Variants in FAM20B observed in about 807,000 individuals in gnomAD.
FAM20B encodes glycosaminoglycan xylosylkinase.
FAM20B carries 23 observed loss-of-function variants against 43.8 expected under a neutral mutation model. The observed-to-expected ratio is 0.53, with a 90% CI of 0.38 to 0.74. The LOEUF is 0.74. Ranked by LOEUF, FAM20B falls within the 30% of genes least tolerant of loss-of-function variation. FAM20B has a pLI of 0.00. For missense variants in FAM20B, 440 were observed against 510.5 expected (o/e 0.86, Z 1.33); for synonymous variants, 178 against 192.4 (o/e 0.93, Z 0.62).
At chr1:179,039,739 ATTATT>A (rs1650401029) in intron 1 of FAM20B, among the ~76,000 whole-genome samples, 1 of 120,310 alleles carries the variant, frequency 8.3e-6, no homozygotes, top group Non-Finnish European at 1.8e-5. Flanking sequence ...TTATTTATTT[ATTATT>A]TTTTTTTATT....
intron 3 of FAM20B, 131 bp from the exon 4 acceptor site, chr1:179,054,398 A>G (rs1572549596): frequency 5.3e-6 from 3 of 561,716 alleles, no homozygotes; most frequent in Non-Finnish European, 9.7e-6. Context: ...ATGTACCTCT[A>G]AAAAATTAGG....
rs1172323682 is a variant in FAM20B at position 179,073,611 on chromosome 1, C to T, written c.*1467C>T. The T allele has an allele frequency of 1.3e-5, 2 of 152,210 alleles. No individual in the cohort carries two copies. The highest frequency in any genetic ancestry group is 3.8e-4 in the East Asian group (2 of 5,196). 9.4% of individuals were successfully genotyped at this position (152,210 alleles called of 1,614,324 possible). A position where few individuals can be genotyped will look rare whatever the true frequency, so the allele number is the denominator to read the frequency against. On this transcript the variant is annotated 3_prime_UTR_variant, in exon 8 of 8. Transcript: ENST00000263733. ...GTGCTGGGATTACAGGCATGAGCCA[C>T]CGTGGCCGGCCAAGATTTTAAGCCT... is the stretch of plus-strand genomic sequence containing the variant.
In FAM20B at chr1:179,070,109, G is replaced by A. The variant is rs184315043; in HGVS notation, c.999-1804G>A. 8.8e-3 allele frequency among the ~76,000 whole-genome samples: 1,327 copies of A among 150,496 alleles called. 17 individuals are homozygous for A. The highest frequency in any genetic ancestry group is 0.03 in the African/African-American group (1,237 of 40,988). On this transcript the variant is annotated intron_variant, in intron 7 of 7. Transcript: ENST00000263733. ...TGCCCAGGCTGGAGTGCAGTGGCGC[G>A]ATCTTGGCTCACTGCAACCTCCGCC... is the stretch of plus-strand genomic sequence containing the variant.
Position 179,072,622 on chromosome 1 carries a change from A to G in FAM20B, c.*478A>G. On this transcript the variant is annotated 3_prime_UTR_variant, in exon 8 of 8. Coordinates refer to ENST00000263733, the MANE Select transcript of FAM20B (RefSeq NM_014864.4). ...ACTGTCCTACAGAGTGGCAGCAAAT[A>G]AAACCTTGCATTCCATCAAGCCAAA... The G allele has an allele frequency of 6.4e-6, 1 of 157,242 alleles. No homozygotes were observed. The highest frequency in any genetic ancestry group is 1.4e-5 in the Non-Finnish European group (1 of 71,022). 9.7% of individuals were successfully genotyped at this position (157,242 alleles called of 1,614,324 possible). A position where few individuals can be genotyped will look rare whatever the true frequency, so the allele number is the denominator to read the frequency against.
intron 1 of FAM20B, among the ~76,000 whole-genome samples, chr1:179,028,017 T>A (rs1291525259): frequency 6.6e-6 from 1 of 152,252 alleles, no homozygotes; most frequent in Non-Finnish European, 1.5e-5. Context: ...AAGTTTCTGC[T>A]TCTTATCTCT....
the FAM20B span, among the ~76,000 whole-genome samples, chr1:179,019,011 C>A: frequency 6.6e-6 from 1 of 152,184 alleles, no homozygotes; most frequent in African/African-American, 2.4e-5. Context: ...CTAAAGTAGT[C>A]AGAGATCACA....
chr1:179,039,687 A>T (rs539081963), intron 1 of FAM20B, among the ~76,000 whole-genome samples: 2 of 152,354 alleles, frequency 1.3e-5, no homozygotes, highest in East Asian at 3.9e-4. Flanking sequence ...ACTTGGACTC[A>T]GAGACAGCTA....
chr1:179,047,556 A>AGTG, intron 2 of FAM20B, among the ~76,000 whole-genome samples: 1 of 152,090 alleles, frequency 6.6e-6, no homozygotes, highest in East Asian at 1.9e-4. Flanking sequence ...GCAACAGGGC[A>AGTG]CTCTCTTCTC....
At chr1:179,064,129 C>A (rs1651592833) in intron 5 of FAM20B, 31 bp downstream of exon 5, 2 of 1,570,394 alleles carry the variant, frequency 1.3e-6, no homozygotes, top group East Asian at 2.3e-5. Context: ...TTACTTAATT[C>A]TCCCCTGTGC....
At chr1:179,071,076 C>T (rs12059761) in intron 7 of FAM20B, among the ~76,000 whole-genome samples, 2,119 of 151,742 alleles carry the variant, frequency 0.014, 62 homozygotes, top group African/African-American at 0.048. Context: ...GGGCGGATCA[C>T]GAGGTCAGGA....
intron 1 of FAM20B, among the ~76,000 whole-genome samples, chr1:179,034,186 A>G (rs189658031): frequency 1.3e-5 from 2 of 152,168 alleles, no homozygotes; most frequent in African/African-American, 2.4e-5. Context: ...ACCTCTCTCC[A>G]TATAGATCAC....
chr1:179,063,849 C>G, intron 4 of FAM20B, 78 bp from the exon 5 acceptor site: 1 of 1,000,568 alleles, frequency 1.0e-6, no homozygotes, highest in Non-Finnish European at 1.5e-6. Context: ...CTTAGCTACT[C>G]TGTTCTGCAT....
intron 1 of FAM20B, chr1:179,035,581 T>G (rs765372493): frequency 1.6e-4 from 96 of 593,954 alleles, no homozygotes; most frequent in Non-Finnish European, 2.9e-4. Flanking sequence ...CAGGCACAGT[T>G]CATGCAGCGA....
At chr1:179,071,828 T>C in intron 7 of FAM20B, 85 bp from the exon 8 acceptor site, 1 of 901,270 alleles carries the variant, frequency 1.1e-6, no homozygotes, top group Non-Finnish European at 1.8e-6. Flanking sequence ...TAATTATTTT[T>C]TCACTTTTGT....
chr1:179,064,852 G>T (rs3753533), intron 6 of FAM20B, among the ~76,000 whole-genome samples: 1 of 152,034 alleles, frequency 6.6e-6, no homozygotes, highest in East Asian at 1.9e-4. Flanking sequence ...GGAATTTGTC[G>T]TTAAATTTAT....
chr1:179,041,677 AGAGGGAGAGGGAGACGGGAGACGGG>A (rs1557869832), intron 1 of FAM20B, among the ~76,000 whole-genome samples: 1 of 144,846 alleles, frequency 6.9e-6, no homozygotes, highest in Non-Finnish European at 1.5e-5. Flanking sequence ...ACAGGGAGGG[AGAGGGAGAGGGAGACGGGAGACGGG>A]GAGGGAGACA....
At chr1:179,045,903 A>C (rs1027716118) in intron 2 of FAM20B, among the ~76,000 whole-genome samples, 2 of 151,594 alleles carry the variant, frequency 1.3e-5, no homozygotes, top group Non-Finnish European at 2.9e-5. Context: ...AAAAAAAAAA[A>C]CCAAAAAACA....
chr1:179,067,475 G>A (rs1651737373), intron 7 of FAM20B, among the ~76,000 whole-genome samples: 1 of 152,254 alleles, frequency 6.6e-6, no homozygotes, highest in South Asian at 2.1e-4. Flanking sequence ...CATGGTGGCA[G>A]GCACCAGTAT....
the FAM20B span, among the ~76,000 whole-genome samples, chr1:179,018,234 A>G: frequency 8.5e-5 from 13 of 152,336 alleles, no homozygotes; most frequent in East Asian, 1.9e-4. Flanking sequence ...AAAAGTCTCA[A>G]TGTAAGCAGC....
Sources: allele counts gnomAD v4.1 joint callset (sites outside exome capture counted in the v4.1 genomes callset), GRCh38; gene constraint gnomAD v4.1.1; transcripts MANE v1.5; gene names NCBI Gene and HGNC (gene_info 2026-07-23, HGNC 2026-07-21).